DUSP4: variants seen among roughly 807,000 people sequenced by gnomAD.
DUSP4 encodes dual specificity phosphatase 4.
DUSP4 carries 12 observed loss-of-function variants against 27.2 expected under a neutral mutation model. That is an observed-to-expected ratio of 0.44 (90% CI 0.28 to 0.71). DUSP4 has a LOEUF of 0.71. Among genes scored for constraint, DUSP4 ranks in the 30% least tolerant of loss-of-function variants. DUSP4 has a pLI of 0.14. For synonymous variants in DUSP4, 257 were observed against 245.2 expected, an observed-to-expected ratio of 1.05 and a Z score of -0.45; for missense variants, 448 against 551.3, an observed-to-expected ratio of 0.81 and a Z score of 1.88.
At chr8:29,345,503 TC>T (rs766913624) in intron 1 of DUSP4, 23 of 1,586,408 alleles carry the variant, frequency 1.4e-5, no homozygotes, top group Non-Finnish European at 1.7e-5. Context: ...CAAACTGGCT[TC>T]CGTTGGAGTG....
intron 1 of DUSP4, chr8:29,348,822 C>T (rs1377129357): frequency 1.2e-5 from 12 of 984,682 alleles, no homozygotes; most frequent in Non-Finnish European, 1.4e-5. Context: ...GGCTCGGAAG[C>T]GCAGACCCTA....
chr8:29,348,874 A>C (rs896961912), intron 1 of DUSP4: 15 of 859,562 alleles, frequency 1.7e-5, no homozygotes, highest in Middle Eastern at 5.8e-4. Flanking sequence ...CGGGAGGCGG[A>C]GGCGCAGCGC....
At position 29,333,668 on chromosome 8, in the gene DUSP4, G is replaced by C. The variant is rs889104215; in HGVS notation, c.*3358C>G. 6 of 152,304 alleles carry C rather than the reference G, an allele frequency of 3.9e-5. No homozygotes were observed. Among genetic ancestry groups the C allele is most frequent in the Admixed American group, 2.6e-4 (4 of 15,290 alleles). 9.4% of individuals were successfully genotyped at this position (152,304 alleles called of 1,614,324 possible). Reference sequence around the variant, plus strand: ...AAAGCATGGCAGTTTCCCAAGCTCGGCTGCACAGGGAAAACACCCGGGGAG... The same window carrying C: ...AAAGCATGGCAGTTTCCCAAGCTCGCCTGCACAGGGAAAACACCCGGGGAG... On this transcript the variant is annotated 3_prime_UTR_variant, in exon 4 of 4. Transcript: ENST00000240100.
rs1291642584 is a variant in DUSP4, at chr8:29,337,493, G to A, written c.800-82C>T. The A allele has an allele frequency of 2.0e-6, 3 of 1,503,286 alleles. No individual in the cohort carries two copies. The highest frequency in any genetic ancestry group is 2.2e-5 in the Admixed American group (1 of 46,296). 93.1% of individuals were successfully genotyped at this position (1,503,286 alleles called of 1,614,324 possible). ...GGGGCACCGGCCAGCCCCTGGGGTC[G>A]GGGGGCTCTGAAGGAAGGACTAGCC... On this transcript the variant is annotated intron_variant, in intron 3 of 3. Transcript: ENST00000240100. This position sits in a 1 kb window ranked among gnomAD's most constrained non-coding sequence, Gnocchi z 6.4.
rs904281974 is a variant in DUSP4 at position 29,335,554 on chromosome 8, A to G, written c.*1472T>C. 16 of 152,234 alleles carry G rather than the reference A, an allele frequency of 1.1e-4. No homozygotes were observed. Among genetic ancestry groups the G allele is most frequent in the Admixed American group, 2.6e-4 (4 of 15,290 alleles). 9.4% of individuals were successfully genotyped at this position (152,234 alleles called of 1,614,324 possible). A position where few individuals can be genotyped will look rare whatever the true frequency, so the allele number is the denominator to read the frequency against. ...CCTCTTTATTCAAAAGAGGACCTTCAAAAATATTCACCTAACTAGGAATTT... is the reference window on the plus strand; with the variant it reads ...CCTCTTTATTCAAAAGAGGACCTTCGAAAATATTCACCTAACTAGGAATTT... On this transcript the variant is annotated 3_prime_UTR_variant, in exon 4 of 4. Transcript: ENST00000240100.
At chr8:29,340,392 G>C (rs1817641473) in intron 1 of DUSP4, 149 bp from the exon 2 acceptor site, 2 of 1,003,102 alleles carry the variant, frequency 2.0e-6, no homozygotes, top group Non-Finnish European at 1.4e-6. Flanking sequence ...TGTGGACCTA[G>C]AGAATGGCCA....
rs766575658 is a variant in DUSP4, at chr8:29,349,933, C to G, written c.346G>C (p.Glu116Gln). 1 of 1,593,866 alleles carries G rather than the reference C, an allele frequency of 6.3e-7. No homozygotes were observed. Among genetic ancestry groups the G allele is most frequent in the Non-Finnish European group, 8.5e-7 (1 of 1,174,390 alleles). ...ACGGTGCTGTCCTCGCGGAGGCTCT[C>G]GGCGCGCGGGCTGCGCTCGTCGTAG... Reference protein sequence around the residue: ...IVYDERSPRAESLREDSTVSL... With the variant: ...IVYDERSPRAQSLREDSTVSL... Residue 116 changes from glutamate to glutamine, a missense_variant, in exon 1 of 4, where the codon GAG (glutamate) becomes CAG (glutamine). Physicochemically the swap from Glu to Gln is conservative, Grantham distance 29. This residue lies in a region of DUSP4 where 345 missense variants were observed against 394.0 expected (regional missense o/e 0.88). Transcript: ENST00000240100.
In DUSP4 at chr8:29,337,463, G is replaced by C. The variant is rs755187350; in HGVS notation, c.800-52C>G. The C allele has an allele frequency of 2.0e-6, 3 of 1,528,024 alleles. No individual in the cohort carries two copies. Among genetic ancestry groups the C allele is most frequent in the East Asian group, 4.5e-5 (2 of 44,208 alleles). The allele number at this position is 1,528,024 out of a possible 1,614,324, so 94.7% of individuals were successfully genotyped here. ...GCACGTTTCTGCAGACCCCAGCCCC[G>C]ACCAGGGGCACCGGCCAGCCCCTGG... On this transcript the variant is annotated intron_variant, in intron 3 of 3. Coordinates refer to ENST00000240100, the MANE Select transcript of DUSP4 (RefSeq NM_001394.7). This position sits in a 1 kb window ranked among gnomAD's most constrained non-coding sequence, Gnocchi z 6.4.
At chr8:29,338,070 G>A (rs572264828) in intron 3 of DUSP4, among the ~76,000 whole-genome samples, 1 of 152,176 alleles carries the variant, frequency 6.6e-6, no homozygotes, top group African/African-American at 2.4e-5. Flanking sequence ...GAAGGGGACT[G>A]GCTCTGCAAG....
chr8:29,337,789 A>G lies in DUSP4; in HGVS notation c.800-378T>C, dbSNP rs977999151. 2.0e-5 allele frequency among the ~76,000 whole-genome samples: 3 copies of G among 152,020 alleles called. No individual in the cohort carries two copies. Among genetic ancestry groups the G allele is most frequent in the Non-Finnish European group, 4.4e-5 (3 of 68,020 alleles). ...TGGGCAATATGATGAAACTGTCTCT[A>G]CAAAAATACAAAAATTAGCTGGGCG... On this transcript the variant is annotated intron_variant, in intron 3 of 3. Transcript: ENST00000240100. This position sits in a 1 kb window ranked among gnomAD's most constrained non-coding sequence, Gnocchi z 6.4.
intron 1 of DUSP4, among the ~76,000 whole-genome samples, chr8:29,347,487 G>A (rs1817752690): frequency 6.6e-6 from 1 of 152,218 alleles, no homozygotes; most frequent in Non-Finnish European, 1.5e-5. Context: ...AGAGCAGGCT[G>A]GAAGATTCCC....
At chr8:29,340,285 C>T (rs770068451) in intron 1 of DUSP4, 42 bp from the exon 2 acceptor site, 1 of 1,553,566 alleles carries the variant, frequency 6.4e-7, no homozygotes, top group East Asian at 2.3e-5. Context: ...GGTCACTAAG[C>T]CAGCAGGAAG....
At chr8:29,345,015 C>T (rs1817707495) in intron 1 of DUSP4, among the ~76,000 whole-genome samples, 4 of 152,002 alleles carry the variant, frequency 2.6e-5, no homozygotes, top group Admixed American at 2.6e-4. Flanking sequence ...CTAATTTTTG[C>T]ATTTTTTGTA....
chr8:29,348,357 C>G (rs1476573984), intron 1 of DUSP4: 1 of 985,696 alleles, frequency 1.0e-6, no homozygotes, highest in Non-Finnish European at 1.2e-6. Context: ...GACCTGGCCC[C>G]GCTCAGCCGC....
chr8:29,341,828 C>T (rs1185779534), intron 1 of DUSP4, among the ~76,000 whole-genome samples: 1 of 152,192 alleles, frequency 6.6e-6, no homozygotes, highest in Non-Finnish European at 1.5e-5. Context: ...TGATGGGAAA[C>T]TTCAGTCCAT....
intron 1 of DUSP4, 73 bp from the exon 2 acceptor site, chr8:29,340,316 A>G (rs1817639891): frequency 1.3e-6 from 2 of 1,516,896 alleles, no homozygotes; most frequent in East Asian, 2.3e-5. Flanking sequence ...CTCGACTCCT[A>G]CAGACTCAGG....
rs1234589039 is a variant in DUSP4 at position 29,337,287 on chromosome 8, C to T, written c.924G>A (p.Glu308=). 4 of 1,613,528 alleles carry T rather than the reference C, an allele frequency of 2.5e-6. No homozygotes were observed. The highest frequency in any genetic ancestry group is 3.4e-6 in the Non-Finnish European group (4 of 1,180,016). ...KKRVRLEEAF[E]FVKQRRSIIS... is the part of the protein sequence containing the mutation. The stretch of plus-strand genomic sequence containing the variant: ...TGATGCTGCGGCGCTGCTTAACGAA[C>T]TCGAAGGCCTCCTCCAGCCTCACCC... The change falls in exon 4 of 4, where the codon GAG becomes GAA. Residue 308 remains glutamate (E), a synonymous_variant. Coordinates refer to ENST00000240100, the MANE Select transcript of DUSP4 (RefSeq NM_001394.7). This position sits in a 1 kb window ranked among gnomAD's most constrained non-coding sequence, Gnocchi z 6.4.
rs1241519747 is a variant in DUSP4 at position 29,336,004 on chromosome 8, C to G, written c.*1022G>C. On this transcript the variant is annotated 3_prime_UTR_variant, in exon 4 of 4. Coordinates refer to ENST00000240100, the MANE Select transcript of DUSP4 (RefSeq NM_001394.7). ...ACACACACCTGCAGTCCCAGCTACT[C>G]AGGAGGCCGAGGTGGGAGGATCTCT... 1 of 152,208 alleles carries G rather than the reference C, an allele frequency of 6.6e-6. No individual in the cohort carries two copies. The highest frequency in any genetic ancestry group is 1.5e-5 in the Non-Finnish European group (1 of 68,048). The allele number at this position is 152,208 out of a possible 1,614,324, so 9.4% of individuals were successfully genotyped here. A position where few individuals can be genotyped will look rare whatever the true frequency, so the allele number is the denominator to read the frequency against.
Position 29,334,576 on chromosome 8 carries a change from G to A in DUSP4, c.*2450C>T, listed in dbSNP as rs764935680. The A allele has an allele frequency of 2.6e-5, 4 of 152,202 alleles. No homozygotes were observed. The highest frequency in any genetic ancestry group is 4.4e-5 in the Non-Finnish European group (3 of 68,048). The allele number at this position is 152,202 out of a possible 1,614,324, so 9.4% of individuals were successfully genotyped here. A position where few individuals can be genotyped will look rare whatever the true frequency, so the allele number is the denominator to read the frequency against. On this transcript the variant is annotated 3_prime_UTR_variant, in exon 4 of 4. Coordinates refer to ENST00000240100, the MANE Select transcript of DUSP4 (RefSeq NM_001394.7). ...TCCCTGTGGTGGGAATCCAGTCTGGGAAAGCAGGACTGTTTTAGCAAACGT... is the reference window on the plus strand; with the variant it reads ...TCCCTGTGGTGGGAATCCAGTCTGGAAAAGCAGGACTGTTTTAGCAAACGT...
Sources: allele counts gnomAD v4.1 joint callset (sites outside exome capture counted in the v4.1 genomes callset), GRCh38; gene constraint gnomAD v4.1.1; regional missense constraint gnomAD v4.1.1; non-coding constraint Gnocchi (gnomAD v3.1); transcripts MANE v1.5; gene names NCBI Gene and HGNC (gene_info 2026-07-23, HGNC 2026-07-21).